Variants in GNA11 observed in about 807,000 individuals in gnomAD.
The protein encoded by GNA11 is guanine nucleotide-binding protein subunit alpha-11.
A neutral mutation model predicts 38.2 loss-of-function variants in GNA11; 8 were observed. The ratio of observed to expected loss-of-function variants is 0.21; its 90% CI spans 0.12 to 0.38. GNA11 has a LOEUF of 0.38. Ranked by LOEUF, GNA11 falls within the 10% of genes least tolerant of loss-of-function variation. The probability of loss-of-function intolerance (pLI) is 1.00; values close to 1 mark genes in which losing one functional copy is unlikely to be tolerated. For synonymous variants in GNA11, 211 were observed against 221.4 expected (o/e 0.95, Z 0.42); for missense variants, 268 against 516.3 (o/e 0.52, Z 4.66).
intron 1 of GNA11, among the ~76,000 whole-genome samples, chr19:3,096,577 G>C (rs1038079152): frequency 6.6e-6 from 1 of 152,190 alleles, no homozygotes; most frequent in Non-Finnish European, 1.5e-5. Flanking sequence ...AAGGTCAGGG[G>C]CTCCCGTGTC....
chr19:3,112,716 G>A (rs539857445), intron 2 of GNA11, among the ~76,000 whole-genome samples: 4 of 152,380 alleles, frequency 2.6e-5, no homozygotes, highest in South Asian at 4.1e-4. Context: ...GTTGAGTGCG[G>A]CAGCTCGGGG....
At chr19:3,102,054 C>T (rs1382820265) in intron 1 of GNA11, among the ~76,000 whole-genome samples, 2 of 152,084 alleles carry the variant, frequency 1.3e-5, no homozygotes, top group Non-Finnish European at 2.9e-5. Flanking sequence ...CGAGATTGCA[C>T]CACTGCACTC....
Position 3,094,625 on chromosome 19 carries a change from GC to G in GNA11, c.-26del. On this transcript the variant is annotated 5_prime_UTR_variant, in exon 1 of 7. Transcript: ENST00000078429. The surrounding 1 kb of genome is among the most constrained non-coding windows in gnomAD (Gnocchi z 6.0). ...GGGGCCGGGGGGCGGCGGCGGGCAG[GC>G]GGCCGCGTCGGCCGGGGCCGGGACG... 8.6e-7 allele frequency: 1 copy of G among 1,167,236 alleles called. No homozygotes were observed. Among genetic ancestry groups the G allele is most frequent in the East Asian group, 3.8e-5 (1 of 26,248 alleles). The allele number at this position is 1,167,236 out of a possible 1,614,324, so 72.3% of individuals were successfully genotyped here. A position where few individuals can be genotyped will look rare whatever the true frequency, so the allele number is the denominator to read the frequency against.
intron 1 of GNA11, among the ~76,000 whole-genome samples, chr19:3,097,371 C>T (rs1913397522): frequency 6.6e-6 from 1 of 152,172 alleles, no homozygotes; most frequent in Non-Finnish European, 1.5e-5. Context: ...TCCCCCATGG[C>T]TCCCGTACAG....
chr19:3,095,532 TC>T (rs906057486), intron 1 of GNA11, among the ~76,000 whole-genome samples: 1 of 146,426 alleles, frequency 6.8e-6, no homozygotes, highest in Admixed American at 6.8e-5. Context: ...CACCCCCCCA[TC>T]CCCCCGAAGA....
chr19:3,112,005 C>A (rs188800552), intron 2 of GNA11, among the ~76,000 whole-genome samples: 1 of 152,238 alleles, frequency 6.6e-6, no homozygotes, highest in East Asian at 1.9e-4. Flanking sequence ...CTGAAACACG[C>A]ATCTGCAAAC....
chr19:3,101,256 C>G (rs1030508868), intron 1 of GNA11, among the ~76,000 whole-genome samples: 3 of 152,158 alleles, frequency 2.0e-5, no homozygotes, highest in Admixed American at 6.5e-5. Flanking sequence ...GCCCCGCCAC[C>G]GAGCGGGACT....
intron 1 of GNA11, among the ~76,000 whole-genome samples, chr19:3,106,779 T>C (rs541940990): frequency 2.0e-4 from 31 of 152,366 alleles, no homozygotes; most frequent in Admixed American, 9.1e-4. Context: ...CACGTGTGCA[T>C]TGTGTGCATA....
intron 1 of GNA11, among the ~76,000 whole-genome samples, chr19:3,109,628 T>C (rs1384568915): frequency 6.6e-6 from 1 of 152,126 alleles, no homozygotes; most frequent in African/African-American, 2.4e-5. Flanking sequence ...CAGGGGGCAG[T>C]GTGGCCGTGG....
In GNA11 at chr19:3,108,212, G is replaced by A. The variant is rs1913682842; in HGVS notation, c.137-1937G>A. Among the ~76,000 whole-genome samples, 1 of 152,192 alleles carries A rather than the reference G, an allele frequency of 6.6e-6. No homozygotes were observed. The highest frequency in any genetic ancestry group is 1.5e-5 in the Non-Finnish European group (1 of 68,030). On this transcript the variant is annotated intron_variant, in intron 1 of 6. Transcript: ENST00000078429. The surrounding 1 kb of genome is among the most constrained non-coding windows in gnomAD (Gnocchi z 4.5). Reference sequence around the variant, plus strand: ...TCCCGAAGGCAGCACTGTGGCCACCGTGGGACACATGCAGCCTGTCTCATC... The same window carrying A: ...TCCCGAAGGCAGCACTGTGGCCACCATGGGACACATGCAGCCTGTCTCATC...
rs1276619328 is a variant in GNA11 at position 3,110,539 on chromosome 19, T to C, written c.321+206T>C. Among the ~76,000 whole-genome samples the C allele has an allele frequency of 6.6e-6, 1 of 152,136 alleles. No individual in the cohort carries two copies. Among genetic ancestry groups the C allele is most frequent in the Non-Finnish European group, 1.5e-5 (1 of 68,028 alleles). ...CCAACTGGAGAGTTGTGATGGGCAT[T>C]GCGTGGCCAAGCCCCACAGCCTCCC... On this transcript the variant is annotated intron_variant, in intron 2 of 6. Transcript: ENST00000078429. The surrounding 1 kb of genome is among the most constrained non-coding windows in gnomAD (Gnocchi z 5.4).
intron 1 of GNA11, among the ~76,000 whole-genome samples, chr19:3,097,031 G>C (rs1913388324): frequency 6.6e-6 from 1 of 152,186 alleles, no homozygotes; most frequent in South Asian, 2.1e-4. Flanking sequence ...CTGAGGTCCA[G>C]GGGCTGGGGC....
chr19:3,098,812 G>A (rs1291698271), intron 1 of GNA11, among the ~76,000 whole-genome samples: 5 of 152,326 alleles, frequency 3.3e-5, no homozygotes, highest in Admixed American at 1.3e-4. Context: ...GGATGGCCTC[G>A]TCCAACCTTG....
Position 3,121,468 on chromosome 19 carries a change from A to AAG in GNA11, c.*290_*291insGA. Reference sequence around the variant, plus strand: ...TCGCTTTTTTCTAAAAAAAAAAAAAAAAGAAAGAAAGAAAAAAAGCAACGA... The same window carrying AAG: ...TCGCTTTTTTCTAAAAAAAAAAAAAAAGAAGAAAGAAAGAAAAAAAGCAACGA... On this transcript the variant is annotated 3_prime_UTR_variant, in exon 7 of 7. Coordinates refer to ENST00000078429, the MANE Select transcript of GNA11 (RefSeq NM_002067.5). 2 of 248,930 alleles carry AAG rather than the reference A, an allele frequency of 8.0e-6. No homozygotes were observed. The highest frequency in any genetic ancestry group is 1.2e-4 in the East Asian group (2 of 16,778). 15.4% of individuals were successfully genotyped at this position (248,930 alleles called of 1,614,324 possible). A position where few individuals can be genotyped will look rare whatever the true frequency, so the allele number is the denominator to read the frequency against.
In GNA11 at chr19:3,112,225, C is replaced by T. The variant is rs547720547; in HGVS notation, c.322-1105C>T. On this transcript the variant is annotated intron_variant, in intron 2 of 6. Coordinates refer to ENST00000078429, the MANE Select transcript of GNA11 (RefSeq NM_002067.5). The stretch of plus-strand genomic sequence containing the variant: ...GGAGTGGGATTTTTGGGGTTTGTGT[C>T]TCTTTTTCCAAGTCCCCCTAGGTGT... Among the ~76,000 whole-genome samples, 266 of 152,302 alleles carry T rather than the reference C, an allele frequency of 1.7e-3. 1 individual carries two copies. The highest frequency in any genetic ancestry group is 3.3e-3 in the Non-Finnish European group (225 of 68,018).
chr19:3,109,431 C>CT (rs1186844715), intron 1 of GNA11, among the ~76,000 whole-genome samples: 1 of 152,208 alleles, frequency 6.6e-6, no homozygotes, highest in African/African-American at 2.4e-5. Context: ...GTGCCCATCT[C>CT]TGAGATGGGG....
At position 3,121,075 on chromosome 19, in the gene GNA11, T is replaced by G. The variant is rs1364056722; in HGVS notation, c.976T>G (p.Ser326Ala). ...LNPDSDKIIY[S>A]HFTCATDTEN... is the part of the protein sequence containing the mutation. ...CCCCGACAGCGACAAGATCATCTAC[T>G]CACACTTCACGTGTGCCACCGACAC... The change falls in exon 7 of 7, where the codon TCA (serine) becomes GCA (alanine). Residue 326 changes from serine to alanine, a missense_variant. Ser to Ala is a moderately conservative substitution (Grantham distance 99). Transcript: ENST00000078429. The G allele has an allele frequency of 2.2e-5, 36 of 1,613,516 alleles. No homozygotes were observed. Among genetic ancestry groups the G allele is most frequent in the Non-Finnish European group, 3.0e-5 (35 of 1,179,586 alleles).
intron 1 of GNA11, among the ~76,000 whole-genome samples, chr19:3,104,859 C>T (rs549587072): frequency 2.0e-5 from 3 of 152,284 alleles, no homozygotes; most frequent in Non-Finnish European, 2.9e-5. Context: ...GAACGCCGGG[C>T]TCTTGGATTT....
chr19:3,097,795 G>A (rs552987457), intron 1 of GNA11, among the ~76,000 whole-genome samples: 29 of 148,448 alleles, frequency 2.0e-4, no homozygotes, highest in African/African-American at 6.4e-4. Flanking sequence ...AGGTCTCCCC[G>A]GGGCCCTGTG....
Sources: gnomAD v4.1 joint callset for allele counts (sites outside exome capture counted in the v4.1 genomes callset) on GRCh38, gnomAD v4.1.1 for gene constraint, Gnocchi (gnomAD v3.1) non-coding constraint, MANE v1.5 for transcripts, NCBI Gene and HGNC (gene_info 2026-07-23, HGNC 2026-07-21) for gene names.